Variants in BBS1 observed in about 807,000 individuals in gnomAD.
BBS1 encodes Bardet-Biedl syndrome 1, also known as BBSome complex member BBS1.
Under a neutral mutation model 73.9 loss-of-function variants are expected in BBS1, and 60 were observed. That is an observed-to-expected ratio of 0.81 (90% CI 0.66 to 1.01). The LOEUF (loss-of-function observed/expected upper bound fraction) is 1.01. BBS1 is among the 50% of genes least tolerant of loss of function. The pLI, the probability that BBS1 is intolerant of heterozygous loss-of-function variation, is 0.00. For missense variants in BBS1, 718 were observed against 770.3 expected (o/e 0.93, Z 0.80); for synonymous variants, 283 against 317.4 (o/e 0.89, Z 1.15).
intron 3 of BBS1, 57 bp from the exon 4 acceptor site, chr11:66,514,349 G>C: frequency 1.2e-6 from 2 of 1,602,618 alleles, no homozygotes; most frequent in Non-Finnish European, 1.7e-6. Context: ...GCAAGAAGAG[G>C]GTCAGTGGAG....
At chr11:66,523,404 A>G (rs1454236553) in intron 9 of BBS1, 52 bp from the exon 10 acceptor site, 1 of 1,613,960 alleles carries the variant, frequency 6.2e-7, no homozygotes, top group East Asian at 2.2e-5. Context: ...GGTCAGCCAT[A>G]GAAGTGGAGA....
intron 9 of BBS1, among the ~76,000 whole-genome samples, chr11:66,521,936 G>GTGC (rs1288485813): frequency 1.4e-5 from 2 of 144,136 alleles, no homozygotes; most frequent in Non-Finnish European, 3.0e-5. Context: ...AAGCAGGGGG[G>GTGC]TGCCGGGTGC....
chr11:66,523,881 C>T lies in BBS1; in HGVS notation c.1109C>T (p.Pro370Leu), dbSNP rs141255069. 5.1e-5 allele frequency: 82 copies of T among 1,612,984 alleles called. No homozygotes were observed. The African/African-American group carries it at 5.6e-4, about 11-fold the overall frequency. ...GCCCTGCTCAATGTCATCCACACCC[C>T]GGTGAGCCCCATCTCCGGCATCTGC... ...DKALLNVIHTPDAVTSLCFGR... is the reference protein window; with the variant it reads ...DKALLNVIHTLDAVTSLCFGR... The change falls in exon 11 of 17, where the codon CCG becomes CTG. Residue 370 changes from proline (P) to leucine (L), a missense_variant and splice_region_variant. Coordinates refer to ENST00000318312, the MANE Select transcript of BBS1 (RefSeq NM_024649.5).
chr11:66,514,255 A>G, intron 3 of BBS1, 151 bp from the exon 4 acceptor site: 1 of 1,035,692 alleles, frequency 9.7e-7, no homozygotes, highest in Non-Finnish European at 1.5e-6. Flanking sequence ...AGGTTAGTCA[A>G]CTTTCCCAAG....
intron 7 of BBS1, among the ~76,000 whole-genome samples, chr11:66,516,332 T>C (rs2134774803): frequency 6.6e-6 from 1 of 151,924 alleles, no homozygotes; most frequent in African/African-American, 2.4e-5. Context: ...CACCATGTTG[T>C]CCAGGCTGGT....
At chr11:66,525,581 C>T (rs1051548631) in intron 11 of BBS1, among the ~76,000 whole-genome samples, 3 of 152,070 alleles carry the variant, frequency 2.0e-5, no homozygotes, top group Non-Finnish European at 4.4e-5. Context: ...AAGTATGTCA[C>T]AAGTGAAACT....
intron 11 of BBS1, 82 bp downstream of exon 11, chr11:66,523,964 C>G (rs1286528660): frequency 1.9e-6 from 3 of 1,571,740 alleles, no homozygotes; most frequent in African/African-American, 2.7e-5. Context: ...CCTCTTCCGA[C>G]CACACATTGA....
rs535565890 is a variant in BBS1 at position 66,531,011 on chromosome 11, C to A, written c.1591C>A (p.Pro531Thr). The change falls in exon 15 of 17, where the codon CCC becomes ACC. Residue 531 changes from proline to threonine, a missense_variant. Physicochemically the swap from Pro to Thr is conservative, Grantham distance 38 (BLOSUM62 -1). Coordinates refer to ENST00000318312, the MANE Select transcript of BBS1 (RefSeq NM_024649.5). ...FLYNEALYSL[P>T]RAFFKVPLLV... Reference sequence around the variant, plus strand: ...GTACAACGAGGCGCTCTATTCCCTGCCCCGGGCCTTCTTCAAGGTACTGGA... The same window carrying A: ...GTACAACGAGGCGCTCTATTCCCTGACCCGGGCCTTCTTCAAGGTACTGGA... 17 of 1,614,244 alleles carry A rather than the reference C, an allele frequency of 1.1e-5. No individual in the cohort carries two copies. The highest frequency in any genetic ancestry group is 1.6e-4 in the Middle Eastern group (1 of 6,062).
At chr11:66,524,916 A>G (rs534014928) in intron 11 of BBS1, among the ~76,000 whole-genome samples, 1 of 152,010 alleles carries the variant, frequency 6.6e-6, no homozygotes, top group South Asian at 2.1e-4. Context: ...TTAGCCGGGT[A>G]TGGGCCGGGC....
Position 66,514,636 on chromosome 11 carries a change from T to C in BBS1, c.390T>C (p.Pro130=). 1.9e-6 allele frequency: 3 copies of C among 1,613,248 alleles called. No individual in the cohort carries two copies. Among genetic ancestry groups the C allele is most frequent in the Non-Finnish European group, 2.5e-6 (3 of 1,180,012 alleles). Residue 130 remains proline (P), a synonymous_variant, in exon 4 of 17, where the codon CCT becomes CCC. Coordinates refer to ENST00000318312, the MANE Select transcript of BBS1 (RefSeq NM_024649.5). The part of the protein sequence containing the change: ...PYFKFSLPQL[P]PNPLEQDLWN... ...TCAAGTTCAGCCTGCCCCAATTGCC[T>C]CCAAATCCTCTGGAACAAGACCTTT...
In BBS1 at chr11:66,532,077, G is replaced by A. The variant is rs1856809741; in HGVS notation, c.*40G>A. The A allele has an allele frequency of 6.4e-7, 1 of 1,566,584 alleles. No homozygotes were observed. Among genetic ancestry groups the A allele is most frequent in the African/African-American group, 1.4e-5 (1 of 73,584 alleles). ...TGAAAGCCCCTGCACAATCAGCCAG[G>A]GAGAACTGGGCGGGTTTAGTGGCCC... On this transcript the variant is annotated 3_prime_UTR_variant, in exon 17 of 17. Transcript: ENST00000318312.
At chr11:66,518,420 G>A (rs1158494016) in intron 7 of BBS1, among the ~76,000 whole-genome samples, 4 of 151,392 alleles carry the variant, frequency 2.6e-5, no homozygotes, top group Admixed American at 6.6e-5. Flanking sequence ...ATCATGCCTG[G>A]GCTAATGGTT....
In BBS1 at chr11:66,511,039, A is replaced by G; in HGVS notation, c.74A>G (p.Asp25Gly). The G allele has an allele frequency of 1.2e-6, 2 of 1,614,044 alleles. No homozygotes were observed. Among genetic ancestry groups the G allele is most frequent in the Non-Finnish European group, 1.7e-6 (2 of 1,180,014 alleles). ...AATGAGGCCAATTCGAAGTGGTTGG[A>G]TGCGCACTACGACCCAATGGCCAAT... ...ESNEANSKWL[D>G]AHYDPMANIH... Residue 25 changes from aspartate (D) to glycine (G), a missense_variant, in exon 2 of 17, where the codon GAT (aspartate) becomes GGT (glycine). By Grantham distance (94) the Asp-to-Gly change is moderately conservative. Transcript: ENST00000318312.
At chr11:66,517,414 T>G (rs1856073233) in intron 7 of BBS1, among the ~76,000 whole-genome samples, 1 of 151,822 alleles carries the variant, frequency 6.6e-6, no homozygotes, top group Admixed American at 6.6e-5. Flanking sequence ...TGTTTAAGGG[T>G]TTAGCCTTCC....
At chr11:66,513,449 C>A (rs528073535) in intron 3 of BBS1, among the ~76,000 whole-genome samples, 17 of 152,240 alleles carry the variant, frequency 1.1e-4, no homozygotes, top group Admixed American at 6.5e-4. Context: ...AGCTGTATGA[C>A]TTTTACTTAA....
chr11:66,511,373 A>C (rs1170293072), intron 3 of BBS1, 134 bp downstream of exon 3: 1 of 1,137,800 alleles, frequency 8.8e-7, no homozygotes, highest in Non-Finnish European at 1.2e-6. Flanking sequence ...TTTAGCGTTA[A>C]ATTTTGTTTT....
At chr11:66,516,077 G>T in intron 7 of BBS1, 144 bp downstream of exon 7, 19 of 566,384 alleles carry the variant, frequency 3.4e-5, no homozygotes, top group East Asian at 9.9e-5. Flanking sequence ...TGTGTGTGTA[G>T]TCATAAAGCT....
In BBS1 at chr11:66,531,681, A is replaced by G. The variant is rs148948642; in HGVS notation, c.1634A>G (p.Asn545Ser). 1.7e-4 allele frequency: 275 copies of G among 1,614,108 alleles called. 2 individuals are homozygous for G. The East Asian group carries it at 5.6e-3, about 33-fold the overall frequency. The change falls in exon 16 of 17, where the codon AAC (asparagine) becomes AGC (serine). Residue 545 changes from asparagine (N) to serine (S), a missense_variant. Asn to Ser is a conservative substitution (Grantham distance 46). Transcript: ENST00000318312. ...FKVPLLVPGLNYPLETFVESL... is the reference protein window; with the variant it reads ...FKVPLLVPGLSYPLETFVESL... ...GTACCCTTGCTGGTGCCAGGGCTCA[A>G]CTACCCCCTGGAGACCTTTGTGGAG...
At chr11:66,515,516 G>C in intron 4 of BBS1, 24 bp from the exon 5 acceptor site, 2 of 1,614,000 alleles carry the variant, frequency 1.2e-6, no homozygotes, top group Non-Finnish European at 1.7e-6. Context: ...TGAGCTCACA[G>C]GCTCTCTTCC....
Sources: allele counts gnomAD v4.1 joint callset (sites outside exome capture counted in the v4.1 genomes callset), GRCh38; gene constraint gnomAD v4.1.1; transcripts MANE v1.5; gene names NCBI Gene and HGNC (gene_info 2026-07-23, HGNC 2026-07-21).